MYOCD: variants seen among roughly 807,000 people sequenced by gnomAD.
MYOCD encodes myocardin.
Under a neutral mutation model 96.1 loss-of-function variants are expected in MYOCD, and 32 were observed. The observed-to-expected ratio is 0.33, with a 90% confidence interval of 0.25 to 0.45. The LOEUF is 0.45. Ranked by LOEUF, MYOCD falls within the 20% of genes least tolerant of loss-of-function variation. The probability of loss-of-function intolerance (pLI) is 1.00; values close to 1 mark genes in which losing one functional copy is unlikely to be tolerated. For missense variants in MYOCD, 1,133 were observed against 1,200.6 expected (o/e 0.94, Z 0.83); for synonymous variants, 469 against 469.0 (o/e 1.00, Z 0.00).
intron 4 of MYOCD, among the ~76,000 whole-genome samples, chr17:12,718,963 C>G (rs1320347715): frequency 6.6e-6 from 1 of 151,686 alleles, no homozygotes; most frequent in African/African-American, 2.4e-5. Context: ...CATTTGAGGT[C>G]AGGAATTCAA....
At chr17:12,738,121 G>A (rs1198196173) in intron 6 of MYOCD, among the ~76,000 whole-genome samples, 1 of 152,124 alleles carries the variant, frequency 6.6e-6, no homozygotes, top group Non-Finnish European at 1.5e-5. Flanking sequence ...CTTAGGAGAG[G>A]GGAAGAAGAG....
intron 1 of MYOCD, among the ~76,000 whole-genome samples, chr17:12,693,625 GAATAAAATAAAATAA>G (rs59593903): frequency 0.024 from 3,017 of 125,184 alleles, 57 homozygotes; most frequent in African/African-American, 0.047. Context: ...AAATAAAATA[GAATAAAATAAAATAA>G]AATAAAATAA....
intron 10 of MYOCD, among the ~76,000 whole-genome samples, chr17:12,754,832 A>G (rs897815656): frequency 3.9e-5 from 6 of 152,264 alleles, no homozygotes; most frequent in South Asian, 2.1e-4. Context: ...AGGCATGTCT[A>G]TGAGTAATCT....
chr17:12,688,094 T>C (rs1465532567), intron 1 of MYOCD, among the ~76,000 whole-genome samples: 1 of 152,230 alleles, frequency 6.6e-6, no homozygotes, highest in Non-Finnish European at 1.5e-5. Flanking sequence ...TGAGATGCAC[T>C]AAGATACCTA....
intron 7 of MYOCD, among the ~76,000 whole-genome samples, chr17:12,741,898 A>G (rs1395214671): frequency 1.3e-5 from 2 of 151,804 alleles, no homozygotes; most frequent in African/African-American, 4.8e-5. Flanking sequence ...ACAAACACAA[A>G]AACCTTAGTG....
chr17:12,744,108 CACA>C, intron 7 of MYOCD, 72 bp from the exon 8 acceptor site: 1 of 1,544,094 alleles, frequency 6.5e-7, no homozygotes, highest in Non-Finnish European at 8.8e-7. Flanking sequence ...AAAACTGCCT[CACA>C]ACGTGTCCAT....
At chr17:12,716,300 A>T (rs2031638230) in intron 3 of MYOCD, among the ~76,000 whole-genome samples, 1 of 152,156 alleles carries the variant, frequency 6.6e-6, no homozygotes, top group Admixed American at 6.5e-5. Flanking sequence ...GATTCCTACT[A>T]CCTGGAGAAT....
At chr17:12,747,518 TG>T (rs2032702076) in intron 9 of MYOCD, among the ~76,000 whole-genome samples, 1 of 151,762 alleles carries the variant, frequency 6.6e-6, no homozygotes, top group Non-Finnish European at 1.5e-5. Flanking sequence ...TTGTCAGGGG[TG>T]GGAAAAGAAA....
intron 1 of MYOCD, among the ~76,000 whole-genome samples, chr17:12,680,108 C>T (rs1490361852): frequency 1.3e-5 from 2 of 152,162 alleles, no homozygotes; most frequent in Non-Finnish European, 1.5e-5. Flanking sequence ...GAACGTAAAC[C>T]TGTATTCAAG....
At chr17:12,675,420 T>C (rs1261205389) in intron 1 of MYOCD, among the ~76,000 whole-genome samples, 3 of 152,138 alleles carry the variant, frequency 2.0e-5, no homozygotes, top group African/African-American at 4.8e-5. Context: ...ATTCACAGTA[T>C]AGAATACAAT....
intron 4 of MYOCD, chr17:12,720,528 G>C (rs1597780236): frequency 6.6e-6 from 1 of 152,196 alleles, no homozygotes; most frequent in East Asian, 1.9e-4. Flanking sequence ...CTTTCAAAGA[G>C]TAATTTAATG....
At chr17:12,746,099 CT>C (rs762946949) in intron 9 of MYOCD, 27 bp downstream of exon 9, 2 of 1,609,528 alleles carry the variant, frequency 1.2e-6, no homozygotes, top group Non-Finnish European at 1.7e-6. Flanking sequence ...GAGTTTCTTT[CT>C]TTTTTTAAAC....
chr17:12,694,877 T>TA (rs2030661348), intron 1 of MYOCD, among the ~76,000 whole-genome samples: 9 of 18,556 alleles, frequency 4.9e-4, no homozygotes, highest in East Asian at 9.6e-4. Context: ...ACTTAAGGAA[T>TA]AACCAAAAAA....
chr17:12,672,293 G>A (rs755221254), intron 1 of MYOCD: 6 of 152,194 alleles, frequency 3.9e-5, no homozygotes, highest in South Asian at 2.1e-4. Flanking sequence ...TATGCGTGGA[G>A]TAGTTAAAAG....
chr17:12,761,590 TACACACACAC>T (rs5819386), intron 13 of MYOCD: 49,809 of 141,250 alleles, frequency 0.35, 8,993 homozygotes, highest in East Asian at 0.57. Context: ...CAGATGCCCA[TACACACACAC>T]ACACACACAC....
intron 2 of MYOCD, among the ~76,000 whole-genome samples, chr17:12,714,725 G>A (rs889408627): frequency 6.6e-6 from 1 of 152,174 alleles, no homozygotes; most frequent in Non-Finnish European, 1.5e-5. Context: ...GAGGTCATGG[G>A]AAGAGAGTGA....
chr17:12,696,679 C>A (rs892586482), intron 1 of MYOCD, among the ~76,000 whole-genome samples: 1 of 152,162 alleles, frequency 6.6e-6, no homozygotes, highest in African/African-American at 2.4e-5. Context: ...TGAGAAAGGC[C>A]TGTTCCCTTT....
intron 2 of MYOCD, among the ~76,000 whole-genome samples, chr17:12,711,049 T>C (rs934863333): frequency 1.3e-5 from 2 of 152,182 alleles, no homozygotes; most frequent in Admixed American, 6.5e-5. Flanking sequence ...GAAAGCTACA[T>C]TGGGAAAATG....
chr17:12,736,465 A>G, intron 6 of MYOCD, 129 bp downstream of exon 6: 1 of 953,390 alleles, frequency 1.0e-6, no homozygotes, highest in Non-Finnish European at 1.5e-6. Context: ...TGGCTGCCAC[A>G]GCATTTTGAT....
Sources: gnomAD v4.1 joint callset for allele counts (sites outside exome capture counted in the v4.1 genomes callset) on GRCh38, gnomAD v4.1.1 for gene constraint, MANE v1.5 for transcripts, NCBI Gene and HGNC (gene_info 2026-07-23, HGNC 2026-07-21) for gene names.